PHTF2: variants seen among roughly 807,000 people sequenced by gnomAD.
PHTF2 encodes the protein putative homeodomain transcription factor 2, also known as protein PHTF2.
Under a neutral mutation model 101.2 loss-of-function variants are expected in PHTF2, and 60 were observed. The observed-to-expected ratio is 0.59, with a 90% CI of 0.48 to 0.73. PHTF2 has a LOEUF of 0.73. Ranked by LOEUF, PHTF2 falls within the 30% of genes least tolerant of loss-of-function variation. The pLI, the probability that PHTF2 is intolerant of heterozygous loss-of-function variation, is 0.00. For missense variants in PHTF2, 747 were observed against 908.7 expected (o/e 0.82, Z 2.29); for synonymous variants, 311 against 307.3 (o/e 1.01, Z -0.13).
chr7:77,820,353 T>A (rs909257568), intron 1 of PHTF2, among the ~76,000 whole-genome samples: 1 of 152,144 alleles, frequency 6.6e-6, no homozygotes, highest in African/African-American at 2.4e-5. Flanking sequence ...TTTTTTTGTT[T>A]TATTCTGTTT....
chr7:77,908,435 T>G (rs1802063982), intron 7 of PHTF2, among the ~76,000 whole-genome samples: 1 of 152,220 alleles, frequency 6.6e-6, no homozygotes, highest in Non-Finnish European at 1.5e-5. Flanking sequence ...TAAGATTTCT[T>G]TATTTGTAAA....
intron 17 of PHTF2, among the ~76,000 whole-genome samples, chr7:77,950,662 A>G (rs1469349416): frequency 2.0e-5 from 3 of 152,194 alleles, no homozygotes; most frequent in Admixed American, 6.5e-5. Context: ...CTCAAAAAAA[A>G]GTATACTTGA....
rs556126889 is a variant in PHTF2, at chr7:77,819,390, T to G, written c.-36+20419T>G. Among the ~76,000 whole-genome samples the G allele has an allele frequency of 1.5e-4, 23 of 152,360 alleles. No homozygotes were observed. In the South Asian group the frequency reaches 4.8e-3, roughly 32 times the overall value. ...TTGGCTTTGCCATATATGGCCTTTA[T>G]TATGTTGAGATATTTTCCTTCTATC... On this transcript the variant is annotated intron_variant, in intron 1 of 19. Transcript: ENST00000416283.
intron 1 of PHTF2, among the ~76,000 whole-genome samples, chr7:77,820,184 C>T (rs557191855): frequency 2.0e-5 from 3 of 152,122 alleles, no homozygotes; most frequent in South Asian, 2.1e-4. Context: ...CCACCGCACC[C>T]GGCTTGGGAG....
At chr7:77,884,756 G>A (rs560043346) in intron 3 of PHTF2, among the ~76,000 whole-genome samples, 7 of 152,106 alleles carry the variant, frequency 4.6e-5, no homozygotes, top group African/African-American at 1.2e-4. Flanking sequence ...AAAATTAGCC[G>A]GATGTGGTGG....
chr7:77,925,712 G>T (rs565485981), intron 11 of PHTF2, among the ~76,000 whole-genome samples: 6 of 151,982 alleles, frequency 3.9e-5, no homozygotes, highest in African/African-American at 1.2e-4. Flanking sequence ...CTCCCAAAGT[G>T]CTGGGATTAT....
chr7:77,928,186 CAA>C (rs560832692), intron 11 of PHTF2, among the ~76,000 whole-genome samples: 2 of 130,388 alleles, frequency 1.5e-5, no homozygotes. Context: ...AGAGGACAGC[CAA>C]AAAAAAAAAA....
chr7:77,820,551 T>C (rs1794206329), intron 1 of PHTF2, among the ~76,000 whole-genome samples: 8 of 151,964 alleles, frequency 5.3e-5, no homozygotes, highest in Admixed American at 5.2e-4. Context: ...TGTTTGTGTA[T>C]ACGTATATTA....
chr7:77,936,262 G>A (rs934854709), intron 12 of PHTF2, among the ~76,000 whole-genome samples: 2 of 151,920 alleles, frequency 1.3e-5, no homozygotes, highest in Non-Finnish European at 2.9e-5. Flanking sequence ...TCACATTTTT[G>A]TCCTCTAAAG....
intron 11 of PHTF2, among the ~76,000 whole-genome samples, chr7:77,926,585 A>C (rs892085216): frequency 6.6e-6 from 1 of 152,078 alleles, no homozygotes; most frequent in Non-Finnish European, 1.5e-5. Context: ...AGATGGCCAA[A>C]AAAAAAAAAT....
intron 17 of PHTF2, 34 bp downstream of exon 16, chr7:77,949,867 T>C (rs1584797640): frequency 9.0e-7 from 1 of 1,108,388 alleles, no homozygotes. Context: ...TACAAATTAA[T>C]GTCTATAAGT....
chr7:77,891,391 G>A (rs1221667759), intron 3 of PHTF2, among the ~76,000 whole-genome samples: 1 of 151,998 alleles, frequency 6.6e-6, no homozygotes, highest in Admixed American at 6.6e-5. Flanking sequence ...GAGGATGAGG[G>A]GCAACTAGTC....
chr7:77,930,553 GA>G (rs1183620439), intron 12 of PHTF2, among the ~76,000 whole-genome samples: 4 of 150,956 alleles, frequency 2.6e-5, no homozygotes, highest in Non-Finnish European at 5.9e-5. Flanking sequence ...GAAAACTCGA[GA>G]AAAAAAAGAG....
chr7:77,858,146 TGC>T (rs1427349687), intron 3 of PHTF2, among the ~76,000 whole-genome samples: 4 of 152,178 alleles, frequency 2.6e-5, no homozygotes, highest in African/African-American at 9.6e-5. Flanking sequence ...GTCACTTACT[TGC>T]CAAAAATAAG....
chr7:77,833,663 G>T (rs1795231969), intron 1 of PHTF2, among the ~76,000 whole-genome samples: 1 of 152,058 alleles, frequency 6.6e-6, no homozygotes, highest in Non-Finnish European at 1.5e-5. Flanking sequence ...ATACTTCTCA[G>T]CAGGATGTGC....
intron 12 of PHTF2, among the ~76,000 whole-genome samples, chr7:77,932,846 C>G (rs1478244171): frequency 6.6e-6 from 1 of 152,110 alleles, no homozygotes; most frequent in Non-Finnish European, 1.5e-5. Flanking sequence ...GCAAAGTAAT[C>G]TAGTTGCATT....
chr7:77,939,323 C>T (rs978142958), intron 13 of PHTF2, among the ~76,000 whole-genome samples: 1 of 151,882 alleles, frequency 6.6e-6, no homozygotes, highest in East Asian at 1.9e-4. Context: ...GAAATGTAAG[C>T]GGCTGGGTGT....
At chr7:77,936,144 T>C (rs148228223) in intron 12 of PHTF2, among the ~76,000 whole-genome samples, 2 of 152,310 alleles carry the variant, frequency 1.3e-5, no homozygotes, top group African/African-American at 4.8e-5. Flanking sequence ...TTTTACATTA[T>C]TGAATTATTA....
At position 77,890,599 on chromosome 7, in the gene PHTF2, C is replaced by CTTTTTT. The variant is rs747882978; in HGVS notation, c.148-2990_148-2985dup. Reference sequence around the variant, plus strand: ...TATGTGGTGCATTGAAATAGTTACACTTTTTTTTTTTTTTTTTTTTTTTTG... The same window carrying CTTTTTT: ...TATGTGGTGCATTGAAATAGTTACACTTTTTTTTTTTTTTTTTTTTTTTTTTTTTTG... On this transcript the variant is annotated intron_variant, in intron 3 of 19. Transcript: ENST00000416283. 2.2e-3 allele frequency among the ~76,000 whole-genome samples: 188 copies of CTTTTTT among 84,212 alleles called. 1 individual carries two copies. Among genetic ancestry groups the CTTTTTT allele is most frequent in the Non-Finnish European group, 2.6e-3 (118 of 45,282 alleles). 55.2% of individuals were successfully genotyped at this position (84,212 alleles called of 152,430 possible). A position where few individuals can be genotyped will look rare whatever the true frequency, so the allele number is the denominator to read the frequency against.
Sources: gnomAD v4.1 joint callset for allele counts (sites outside exome capture counted in the v4.1 genomes callset) on GRCh38, gnomAD v4.1.1 for gene constraint, MANE v1.5 for transcripts, NCBI Gene and HGNC (gene_info 2026-07-23, HGNC 2026-07-21) for gene names.